The following C10orf90 variants were observed in gnomAD, a reference collection of about 807,000 sequenced individuals.
C10orf90 encodes the protein chromosome 10 open reading frame 90, also known as (E2-independent) E3 ubiquitin-conjugating enzyme FATS.
C10orf90 carries 56 observed loss-of-function variants against 62.5 expected under a neutral mutation model. The observed-to-expected ratio is 0.90, with a 90% CI of 0.72 to 1.12. The LOEUF (loss-of-function observed/expected upper bound fraction) is 1.12. Ranked by LOEUF, C10orf90 falls within the 50% of genes most tolerant of loss-of-function variation. C10orf90 has a pLI of 0.00. For synonymous variants in C10orf90, 386 were observed against 340.4 expected (o/e 1.13, Z -1.47); for missense variants, 970 against 880.4 (o/e 1.10, Z -1.29).
At chr10:126,488,316 T>C (rs775874879) in intron 4 of C10orf90, among the ~76,000 whole-genome samples, 30 of 152,154 alleles carry the variant, frequency 2.0e-4, no homozygotes, top group Non-Finnish European at 1.9e-4. Flanking sequence ...TTTATGAGTA[T>C]ATGCAGAAAA....
intron 2 of C10orf90, among the ~76,000 whole-genome samples, chr10:126,638,293 G>A (rs922535660): frequency 6.6e-6 from 1 of 152,070 alleles, no homozygotes; most frequent in African/African-American, 2.4e-5. Context: ...GGATGTGTGT[G>A]GGACCTGGGC....
At chr10:126,534,901 A>G (rs1203593801) in intron 2 of C10orf90, among the ~76,000 whole-genome samples, 1 of 151,836 alleles carries the variant, frequency 6.6e-6, no homozygotes, top group Non-Finnish European at 1.5e-5. Flanking sequence ...GGTCACACTC[A>G]CTCCATTAGC....
intron 2 of C10orf90, among the ~76,000 whole-genome samples, chr10:126,526,177 G>T (rs1454102253): frequency 6.6e-6 from 1 of 151,576 alleles, no homozygotes; most frequent in East Asian, 1.9e-4. Flanking sequence ...CTGACTTTTA[G>T]TTACATTCTC....
At chr10:126,614,469 ACC>A (rs1845500230) in intron 2 of C10orf90, among the ~76,000 whole-genome samples, 1 of 152,044 alleles carries the variant, frequency 6.6e-6, no homozygotes, top group Admixed American at 6.6e-5. Flanking sequence ...AACATGTATC[ACC>A]TTCTGCTCAA....
chr10:126,565,141 T>C (rs866898174), intron 2 of C10orf90, among the ~76,000 whole-genome samples: 822 of 49,544 alleles, frequency 0.017, 55 homozygotes, highest in African/African-American at 0.04. Context: ...ATAAATATAA[T>C]ATTAAATATG....
intron 2 of C10orf90, among the ~76,000 whole-genome samples, chr10:126,636,844 T>C (rs1185466714): frequency 1.3e-5 from 2 of 152,186 alleles, no homozygotes; most frequent in African/African-American, 4.8e-5. Context: ...CCATGCCTTA[T>C]TAACAATATT....
At chr10:126,651,946 G>A (rs960838442) in intron 1 of C10orf90, among the ~76,000 whole-genome samples, 5 of 152,200 alleles carry the variant, frequency 3.3e-5, no homozygotes, top group Admixed American at 1.3e-4. Flanking sequence ...CAGCACATGC[G>A]ATGGATGGTT....
intron 2 of C10orf90, among the ~76,000 whole-genome samples, chr10:126,612,317 T>A (rs1845452176): frequency 6.6e-6 from 1 of 151,958 alleles, no homozygotes; most frequent in Non-Finnish European, 1.5e-5. Flanking sequence ...TGAGACTGTG[T>A]CTTAAATAAA....
intron 7 of C10orf90, among the ~76,000 whole-genome samples, chr10:126,458,115 A>C (rs1859702947): frequency 1.3e-5 from 2 of 152,258 alleles, no homozygotes; most frequent in South Asian, 4.1e-4. Context: ...GGGGAGATTC[A>C]CAGGAATTCT....
chr10:126,438,656 A>G (rs1858082891), intron 7 of C10orf90, among the ~76,000 whole-genome samples: 2 of 152,230 alleles, frequency 1.3e-5, no homozygotes, highest in African/African-American at 4.8e-5. Context: ...ACTATAGGAT[A>G]TTAACAGCTA....
chr10:126,439,096 G>T (rs913682610), intron 7 of C10orf90, among the ~76,000 whole-genome samples: 1 of 152,136 alleles, frequency 6.6e-6, no homozygotes, highest in Non-Finnish European at 1.5e-5. Flanking sequence ...CGTTCCTGGT[G>T]GTAGAAAAAG....
chr10:126,636,782 C>G (rs1845960010), intron 2 of C10orf90, among the ~76,000 whole-genome samples: 1 of 152,018 alleles, frequency 6.6e-6, no homozygotes, highest in African/African-American at 2.4e-5. Context: ...TGAGCAAAAG[C>G]CACTAAAAAA....
At chr10:126,556,356 G>A (rs1473710863) in intron 2 of C10orf90, among the ~76,000 whole-genome samples, 1 of 152,140 alleles carries the variant, frequency 6.6e-6, no homozygotes, top group Non-Finnish European at 1.5e-5. Flanking sequence ...CTCCCTCCAC[G>A]TTTAAATAGA....
intron 4 of C10orf90, among the ~76,000 whole-genome samples, chr10:126,483,210 C>T (rs1213518164): frequency 6.6e-6 from 1 of 152,256 alleles, no homozygotes; most frequent in Non-Finnish European, 1.5e-5. Flanking sequence ...CAAAGGCAAA[C>T]CAAGAGCATT....
At chr10:126,508,873 A>G (rs1158416627) in intron 3 of C10orf90, among the ~76,000 whole-genome samples, 1 of 152,188 alleles carries the variant, frequency 6.6e-6, no homozygotes, top group African/African-American at 2.4e-5. Flanking sequence ...ATTGGCATCA[A>G]CGAGGGGTGT....
intron 2 of C10orf90, among the ~76,000 whole-genome samples, chr10:126,621,779 AC>A (rs1481280572): frequency 6.6e-6 from 1 of 152,208 alleles, no homozygotes; most frequent in Admixed American, 6.5e-5. Flanking sequence ...TGATTAATGT[AC>A]TATAAATATG....
intron 2 of C10orf90, among the ~76,000 whole-genome samples, chr10:126,571,480 C>A (rs1283447056): frequency 6.6e-6 from 1 of 152,190 alleles, no homozygotes; most frequent in Admixed American, 6.5e-5. Flanking sequence ...GTTGCTCTGC[C>A]ACTGGGAAGC....
intron 2 of C10orf90, among the ~76,000 whole-genome samples, chr10:126,550,669 C>T (rs1161305691): frequency 2.0e-5 from 3 of 151,958 alleles, no homozygotes; most frequent in Non-Finnish European, 4.4e-5. Context: ...GCCACCACGC[C>T]CAGCTAATTT....
rs58527775 is a variant in C10orf90 at position 126,509,522 on chromosome 10, G to T, written c.405+4326C>A. On this transcript the variant is annotated intron_variant, in intron 3 of 9. Coordinates refer to ENST00000488181, the MANE Select transcript of C10orf90 (RefSeq NM_001350921.2). Reference sequence around the variant, plus strand: ...TGTATATCCAATACATTGAAATTTTGCTGATAGAAATGTAGAAGTCATGTA... The same window carrying T: ...TGTATATCCAATACATTGAAATTTTTCTGATAGAAATGTAGAAGTCATGTA... Among the ~76,000 whole-genome samples, 519 of 152,272 alleles carry T rather than the reference G, an allele frequency of 3.4e-3. 5 individuals carry two copies. The highest frequency in any genetic ancestry group is 0.012 in the African/African-American group (507 of 41,546).
Sources: gnomAD v4.1 joint callset for allele counts (sites outside exome capture counted in the v4.1 genomes callset) on GRCh38, gnomAD v4.1.1 for gene constraint, MANE v1.5 for transcripts, NCBI Gene and HGNC (gene_info 2026-07-23, HGNC 2026-07-21) for gene names.